The following GRM8 variants were observed in gnomAD, a reference collection of about 807,000 sequenced individuals.
The protein encoded by GRM8 is metabotropic glutamate receptor 8.
GRM8 carries 47 observed loss-of-function variants against 87.2 expected under a neutral mutation model. The ratio of observed to expected loss-of-function variants is 0.54; its 90% CI spans 0.43 to 0.69. GRM8 has a LOEUF of 0.69. Among genes scored for constraint, GRM8 ranks in the 30% least tolerant of loss-of-function variants. GRM8 has a pLI of 0.00. For missense variants in GRM8, 1,019 were observed against 1,139.2 expected (o/e 0.89, Z 1.52); for synonymous variants, 396 against 404.5 (o/e 0.98, Z 0.25).
chr7:126,486,367 G>A lies in GRM8; in HGVS notation c.2431-39995C>T, dbSNP rs140610309. ...ATACATGTTTGTTCAGTATGCATGT[G>A]TCAGGACTCCCTTTGTGAATATCCA... is the stretch of plus-strand genomic sequence containing the variant. On this transcript the variant is annotated intron_variant, in intron 9 of 10. Transcript: ENST00000339582. 1.7e-3 allele frequency among the ~76,000 whole-genome samples: 255 copies of A among 152,122 alleles called. 1 individual carries two copies. Among genetic ancestry groups the A allele is most frequent in the African/African-American group, 5.8e-3 (242 of 41,536 alleles).
At chr7:126,823,142 G>A (rs148411711) in intron 6 of GRM8, among the ~76,000 whole-genome samples, 43 of 152,306 alleles carry the variant, frequency 2.8e-4, no homozygotes, top group African/African-American at 9.1e-4. Flanking sequence ...TATTAATGCA[G>A]TCTAAGCCTG....
intron 6 of GRM8, among the ~76,000 whole-genome samples, chr7:126,812,786 A>G (rs763416575): frequency 3.9e-5 from 6 of 152,050 alleles, no homozygotes; most frequent in Non-Finnish European, 8.8e-5. Context: ...AACCCTAGAA[A>G]GTAAACATGC....
rs1665041833 is a variant in GRM8, at chr7:127,089,625, G to A, written c.727+16871C>T. On this transcript the variant is annotated intron_variant, in intron 3 of 10. Transcript: ENST00000339582. ...ATGTGGAGCTAACCCTGCCTGAGAA[G>A]TCAGATTTACTCCTATACTGTTTTA... is the stretch of plus-strand genomic sequence containing the variant. Among the ~76,000 whole-genome samples the A allele has an allele frequency of 3.9e-5, 6 of 152,188 alleles. No homozygotes were observed. The South Asian group carries it at 1.2e-3, about 32-fold the overall frequency.
At chr7:126,736,672 G>A (rs1422438091) in intron 7 of GRM8, among the ~76,000 whole-genome samples, 1 of 152,072 alleles carries the variant, frequency 6.6e-6, no homozygotes, top group Non-Finnish European at 1.5e-5. Context: ...AAATGGAAAA[G>A]TGCAGTCAGT....
chr7:127,118,522 A>G (rs928944200), intron 2 of GRM8, among the ~76,000 whole-genome samples: 1 of 152,162 alleles, frequency 6.6e-6, no homozygotes, highest in African/African-American at 2.4e-5. Context: ...ATGTGTGCGT[A>G]TGTGTGTGTG....
intron 2 of GRM8, among the ~76,000 whole-genome samples, chr7:127,168,814 A>G (rs560248649): frequency 2.0e-3 from 297 of 151,740 alleles, no homozygotes; most frequent in African/African-American, 6.9e-3. Flanking sequence ...ATGAGAACAC[A>G]TGGACACAGG....
chr7:126,845,458 T>A (rs1796634701), intron 6 of GRM8, among the ~76,000 whole-genome samples: 1 of 151,952 alleles, frequency 6.6e-6, no homozygotes, highest in South Asian at 2.1e-4. Flanking sequence ...CCCAAAGGAG[T>A]AAAAATAAAG....
At chr7:126,643,673 C>G (rs1028346235) in intron 7 of GRM8, among the ~76,000 whole-genome samples, 6 of 152,132 alleles carry the variant, frequency 3.9e-5, no homozygotes, top group East Asian at 1.9e-4. Flanking sequence ...CAATTACTGT[C>G]AAAAACTTCC....
chr7:126,964,944 T>C (rs1169158087), intron 3 of GRM8, among the ~76,000 whole-genome samples: 1 of 151,992 alleles, frequency 6.6e-6, no homozygotes, highest in Non-Finnish European at 1.5e-5. Flanking sequence ...ATTAAGAAAA[T>C]GTGGCACATA....
At chr7:126,891,631 T>G (rs573928144) in intron 6 of GRM8, among the ~76,000 whole-genome samples, 1 of 152,106 alleles carries the variant, frequency 6.6e-6, no homozygotes, top group African/African-American at 2.4e-5. Flanking sequence ...ATACTACTGA[T>G]AATCTCTTTT....
chr7:126,963,385 A>T (rs917739240), intron 3 of GRM8, among the ~76,000 whole-genome samples: 1 of 152,136 alleles, frequency 6.6e-6, no homozygotes, highest in African/African-American at 2.4e-5. Flanking sequence ...TTAAATATAC[A>T]TAACTAGAAA....
chr7:126,885,368 T>G (rs1800391062), intron 6 of GRM8, among the ~76,000 whole-genome samples: 1 of 152,296 alleles, frequency 6.6e-6, no homozygotes, highest in African/African-American at 2.4e-5. Context: ...GTAAGAAGTA[T>G]GCTTCCAACA....
At position 127,181,279 on chromosome 7, in the gene GRM8, C is replaced by A. The variant is rs149295953; in HGVS notation, c.510+61416G>T. On this transcript the variant is annotated intron_variant, in intron 2 of 10. Coordinates refer to ENST00000339582, the MANE Select transcript of GRM8 (RefSeq NM_000845.3). ...AAAAGAAATAAAATACTTAGGAATACACCTAACCAAGGGGTCAAAAGACCT... is the reference window on the plus strand; with the variant it reads ...AAAAGAAATAAAATACTTAGGAATAAACCTAACCAAGGGGTCAAAAGACCT... 3.5e-3 allele frequency among the ~76,000 whole-genome samples: 531 copies of A among 152,010 alleles called. 17 individuals are homozygous for A. The highest frequency in any genetic ancestry group is 0.03 in the Admixed American group (455 of 15,224).
chr7:126,572,146 T>C (rs1794741817), intron 8 of GRM8, among the ~76,000 whole-genome samples: 1 of 152,048 alleles, frequency 6.6e-6, no homozygotes, highest in South Asian at 2.1e-4. Flanking sequence ...AGAAGGAAAA[T>C]GAACTTTTAA....
chr7:127,138,760 G>T (rs1018328587), intron 2 of GRM8, among the ~76,000 whole-genome samples: 1 of 152,010 alleles, frequency 6.6e-6, no homozygotes, highest in Non-Finnish European at 1.5e-5. Context: ...CTTTAGTGAC[G>T]AAAAGCACTG....
At chr7:126,610,376 C>A (rs1412170534) in intron 7 of GRM8, among the ~76,000 whole-genome samples, 3 of 151,866 alleles carry the variant, frequency 2.0e-5, no homozygotes, top group Non-Finnish European at 2.9e-5. Flanking sequence ...TATTATTATT[C>A]TTTCCTGTCT....
At chr7:126,935,314 T>C (rs762500963) in intron 3 of GRM8, among the ~76,000 whole-genome samples, 1 of 151,870 alleles carries the variant, frequency 6.6e-6, no homozygotes, top group Admixed American at 6.6e-5. Context: ...GGAAAGGAAA[T>C]GAAGGACACA....
At chr7:126,445,641 T>C (rs1218080629) in intron 10 of GRM8, among the ~76,000 whole-genome samples, 3 of 152,012 alleles carry the variant, frequency 2.0e-5, no homozygotes, top group Admixed American at 2.0e-4. Context: ...AAGTATTAAC[T>C]GTGACTTAAC....
intron 2 of GRM8, among the ~76,000 whole-genome samples, chr7:127,179,081 G>C (rs781744678): frequency 2.6e-5 from 4 of 152,112 alleles, no homozygotes; most frequent in African/African-American, 4.8e-5. Flanking sequence ...GAATGGATAA[G>C]AACTCACCAA....
Sources: gnomAD v4.1 joint callset for allele counts (sites outside exome capture counted in the v4.1 genomes callset) on GRCh38, gnomAD v4.1.1 for gene constraint, MANE v1.5 for transcripts, NCBI Gene and HGNC (gene_info 2026-07-23, HGNC 2026-07-21) for gene names.